INTS8: variants seen among roughly 807,000 people sequenced by gnomAD.
The protein encoded by INTS8 is protein kaonashi-1.
In INTS8, 47 loss-of-function variants were observed where a neutral mutation model predicts 138.9. That is an observed-to-expected ratio of 0.34 (90% CI 0.27 to 0.43). The LOEUF is 0.43. INTS8 is among the 20% of genes least tolerant of loss of function. The pLI is 1.00. For synonymous variants in INTS8, 392 were observed against 400.9 expected, an observed-to-expected ratio of 0.98 and a Z score of 0.27; for missense variants, 996 against 1,173.0, an observed-to-expected ratio of 0.85 and a Z score of 2.20.
chr8:94,867,342 G>A lies in INTS8; in HGVS notation c.2414+5G>A, dbSNP rs1213674014. On this transcript the variant is annotated splice_donor_5th_base_variant and intron_variant, in intron 20 of 26. Coordinates refer to ENST00000523731, the MANE Select transcript of INTS8 (RefSeq NM_017864.4). ...TTGGCCATCTTCCATTCCCAAGTAAGTAGTGGTATAGCTTTTATTTTATTA... is the reference window on the plus strand; with the variant it reads ...TTGGCCATCTTCCATTCCCAAGTAAATAGTGGTATAGCTTTTATTTTATTA... 1.2e-6 allele frequency: 2 copies of A among 1,601,124 alleles called. No homozygotes were observed. Among genetic ancestry groups the A allele is most frequent in the Admixed American group, 1.7e-5 (1 of 59,852 alleles).
chr8:94,880,334 G>A lies in INTS8; in HGVS notation c.*100G>A. ...ATAATACATATGTACACAATTAGTGGTGTTTTCTTTTCAGACAAAATACTG... is the reference window on the plus strand; with the variant it reads ...ATAATACATATGTACACAATTAGTGATGTTTTCTTTTCAGACAAAATACTG... On this transcript the variant is annotated 3_prime_UTR_variant, in exon 27 of 27. Coordinates refer to ENST00000523731, the MANE Select transcript of INTS8 (RefSeq NM_017864.4). 1.7e-6 allele frequency: 1 copy of A among 605,222 alleles called. No homozygotes were observed. The highest frequency in any genetic ancestry group is 2.9e-6 in the Non-Finnish European group (1 of 348,492). The allele number at this position is 605,222 out of a possible 1,614,324, so 37.5% of individuals were successfully genotyped here.
rs774246280 is a variant in INTS8 at position 94,849,931 on chromosome 8, G to T, written c.1347G>T (p.Gly449=). Residue 449 remains glycine (G), a synonymous_variant, in exon 12 of 27, where the codon GGG becomes GGT. Coordinates refer to ENST00000523731, the MANE Select transcript of INTS8 (RefSeq NM_017864.4). ...ACTGATCTAGGAATGTGTGTCTGGG[G>T]TTGGAAGATCTGCAGTATGTTTTCA... ...MAAFLKNVCL[G]LEDLQYVFMI... The T allele has an allele frequency of 1.2e-6, 2 of 1,610,680 alleles. No individual in the cohort carries two copies. Among genetic ancestry groups the T allele is most frequent in the Non-Finnish European group, 1.7e-6 (2 of 1,178,126 alleles).
At chr8:94,844,026 C>CTTTT (rs539302253) in intron 10 of INTS8, among the ~76,000 whole-genome samples, 5 of 139,266 alleles carry the variant, frequency 3.6e-5, no homozygotes, top group Non-Finnish European at 7.7e-5. Context: ...TAGAGTTCTG[C>CTTTT]TTTTTTTTTT....
chr8:94,844,704 A>G (rs1033450838), intron 10 of INTS8, among the ~76,000 whole-genome samples: 3 of 150,574 alleles, frequency 2.0e-5, no homozygotes, highest in Non-Finnish European at 4.4e-5. Context: ...CTTTTTTACC[A>G]ATTTTAAATA....
At chr8:94,859,485 C>A in intron 15 of INTS8, 26 bp from the exon 16 acceptor site, 1 of 1,605,158 alleles carries the variant, frequency 6.2e-7, no homozygotes, top group Non-Finnish European at 8.5e-7. Context: ...ATGGTAATTC[C>A]AACTGTTTTC....
intron 16 of INTS8, among the ~76,000 whole-genome samples, chr8:94,862,967 G>A (rs1816048341): frequency 6.6e-6 from 1 of 152,076 alleles, no homozygotes; most frequent in Non-Finnish European, 1.5e-5. Context: ...TGTTACATAG[G>A]AACATATTTT....
chr8:94,833,669 A>G (rs1295699725), intron 6 of INTS8, among the ~76,000 whole-genome samples: 1 of 152,246 alleles, frequency 6.6e-6, no homozygotes, highest in Non-Finnish European at 1.5e-5. Flanking sequence ...AAACATCTGT[A>G]TGTGCTAGGC....
chr8:94,825,072 C>G lies in INTS8; in HGVS notation c.305+5C>G. 1 of 1,578,726 alleles carries G rather than the reference C, an allele frequency of 6.3e-7. No individual in the cohort carries two copies. ...CTTAGACATATTAGAGAAAAGGTATCCAAGATTTCAGTGAAATTTCATTTG... is the reference window on the plus strand; with the variant it reads ...CTTAGACATATTAGAGAAAAGGTATGCAAGATTTCAGTGAAATTTCATTTG... On this transcript the variant is annotated splice_donor_5th_base_variant and intron_variant, in intron 2 of 26. Coordinates refer to ENST00000523731, the MANE Select transcript of INTS8 (RefSeq NM_017864.4).
intron 3 of INTS8, 85 bp downstream of exon 3, chr8:94,827,488 C>A: frequency 6.9e-7 from 1 of 1,448,026 alleles, no homozygotes; most frequent in Non-Finnish European, 9.6e-7. Context: ...TTTAATGGAC[C>A]CATTCTGCTG....
In INTS8 at chr8:94,842,440, C is replaced by T. The variant is rs538455350; in HGVS notation, c.1212C>T (p.Asn404=). The change falls in exon 10 of 27, where the codon AAC becomes AAT. Residue 404 remains asparagine (N), a synonymous_variant. Coordinates refer to ENST00000523731, the MANE Select transcript of INTS8 (RefSeq NM_017864.4). ...GCAGAACAATTAGTGTTCAATTTAACCAGCTATTTCTTAGACCAAATAAAG... is the reference window on the plus strand; with the variant it reads ...GCAGAACAATTAGTGTTCAATTTAATCAGCTATTTCTTAGACCAAATAAAG... ...LEGRTISVQF[N]QLFLRPNKEK... 1.6e-5 allele frequency: 26 copies of T among 1,604,620 alleles called. No individual in the cohort carries two copies. In the African/African-American group the frequency reaches 3.3e-4, roughly 21 times the overall value.
intron 18 of INTS8, 179 bp from the exon 19 acceptor site, chr8:94,866,961 C>A: frequency 1.8e-6 from 1 of 556,178 alleles, no homozygotes. Context: ...GTCCACGCCC[C>A]GCCCCCACAT....
intron 16 of INTS8, among the ~76,000 whole-genome samples, chr8:94,864,473 C>T (rs752469362): frequency 6.6e-6 from 1 of 151,986 alleles, no homozygotes; most frequent in Non-Finnish European, 1.5e-5. Context: ...TTTGGGAGGC[C>T]GAGGCGGATA....
intron 5 of INTS8, 43 bp from the exon 6 acceptor site, chr8:94,831,949 A>G: frequency 7.4e-6 from 11 of 1,481,916 alleles, no homozygotes; most frequent in Non-Finnish European, 1.0e-5. Context: ...TATTATAATC[A>G]GTTGCTATTT....
intron 7 of INTS8, 46 bp downstream of exon 7, chr8:94,836,677 A>T (rs1420122539): frequency 1.7e-6 from 2 of 1,176,726 alleles, no homozygotes; most frequent in African/African-American, 3.1e-5. Flanking sequence ...TCTTTAAAAC[A>T]TCTATACATT....
intron 4 of INTS8, among the ~76,000 whole-genome samples, chr8:94,828,513 G>A (rs148515156): frequency 1.5e-3 from 229 of 152,292 alleles, no homozygotes; most frequent in African/African-American, 5.3e-3. Flanking sequence ...GGAGGATGGA[G>A]TTTTAAACCT....
chr8:94,869,545 T>G (rs568394753), intron 20 of INTS8, among the ~76,000 whole-genome samples: 16 of 152,196 alleles, frequency 1.1e-4, no homozygotes, highest in African/African-American at 3.4e-4. Flanking sequence ...CAGGCTGGAG[T>G]GCAGTGGCAT....
chr8:94,876,179 A>C, intron 24 of INTS8, 32 bp downstream of exon 24: 1 of 1,603,944 alleles, frequency 6.2e-7, no homozygotes, highest in Non-Finnish European at 8.5e-7. Flanking sequence ...TAATGAGGTC[A>C]ACATTTTTCT....
intron 3 of INTS8, 28 bp downstream of exon 3, chr8:94,827,431 G>A (rs185845898): frequency 1.8e-5 from 29 of 1,611,152 alleles, no homozygotes; most frequent in East Asian, 8.9e-5. Context: ...CTCAGAAGGC[G>A]TTGGGCAACC....
At chr8:94,856,214 C>T (rs924866213) in intron 14 of INTS8, among the ~76,000 whole-genome samples, 3 of 152,154 alleles carry the variant, frequency 2.0e-5, no homozygotes, top group Admixed American at 6.5e-5. Context: ...AGATCTTTGG[C>T]TTGTGAGAGT....
Sources: gnomAD v4.1 joint callset for allele counts (sites outside exome capture counted in the v4.1 genomes callset) on GRCh38, gnomAD v4.1.1 for gene constraint, MANE v1.5 for transcripts, NCBI Gene and HGNC (gene_info 2026-07-23, HGNC 2026-07-21) for gene names.